The following GMDS variants were observed in gnomAD, a reference collection of about 807,000 sequenced individuals.
GMDS encodes GDP-mannose 4,6 dehydratase.
In GMDS, 20 loss-of-function variants were observed where a neutral mutation model predicts 49.9. That is an observed-to-expected ratio of 0.40 (90% CI 0.28 to 0.58). The LOEUF is 0.58. Among genes scored for constraint, GMDS ranks in the 20% least tolerant of loss-of-function variants. GMDS has a pLI of 0.42. For synonymous variants in GMDS, 177 were observed against 178.6 expected (o/e 0.99, Z 0.07); for missense variants, 362 against 481.4 (o/e 0.75, Z 2.32).
intron 9 of GMDS, among the ~76,000 whole-genome samples, chr6:1,653,033 G>A (rs1040348708): frequency 4.0e-5 from 6 of 151,418 alleles, no homozygotes; most frequent in South Asian, 2.1e-4. Context: ...CCTGGCCCGC[G>A]TGGCTCCTGT....
At chr6:1,952,772 G>C (rs1245038458) in intron 6 of GMDS, among the ~76,000 whole-genome samples, 1 of 152,096 alleles carries the variant, frequency 6.6e-6, no homozygotes, top group Non-Finnish European at 1.5e-5. Context: ...CAGGGAGAGA[G>C]AATGCTTTAC....
At chr6:1,868,397 G>A (rs1758547043) in intron 7 of GMDS, among the ~76,000 whole-genome samples, 1 of 152,270 alleles carries the variant, frequency 6.6e-6, no homozygotes, top group South Asian at 2.1e-4. Flanking sequence ...AAGTAAATAT[G>A]GAGTAAATAC....
At chr6:1,667,941 A>T (rs1764286951) in intron 9 of GMDS, among the ~76,000 whole-genome samples, 1 of 152,224 alleles carries the variant, frequency 6.6e-6, no homozygotes, top group Non-Finnish European at 1.5e-5. Context: ...AACATTTCAG[A>T]TAATAAGATC....
chr6:2,234,256 A>G (rs1781248191), intron 1 of GMDS, among the ~76,000 whole-genome samples: 1 of 152,200 alleles, frequency 6.6e-6, no homozygotes, highest in Admixed American at 6.5e-5. Context: ...TTCACCAAGA[A>G]CAAGCATTCC....
At chr6:2,192,770 G>A (rs773488052) in intron 1 of GMDS, among the ~76,000 whole-genome samples, 13 of 152,250 alleles carry the variant, frequency 8.5e-5, no homozygotes, top group African/African-American at 1.9e-4. Context: ...ACTCACACAC[G>A]TCTTGCCAGT....
intron 7 of GMDS, among the ~76,000 whole-genome samples, chr6:1,903,264 A>G (rs1760593076): frequency 6.6e-6 from 1 of 152,236 alleles, no homozygotes; most frequent in Admixed American, 6.5e-5. Context: ...TGATCACGAT[A>G]TAGGGTTTTG....
intron 1 of GMDS, among the ~76,000 whole-genome samples, chr6:2,194,308 A>T (rs1453794607): frequency 2.0e-5 from 3 of 152,232 alleles, no homozygotes; most frequent in Non-Finnish European, 4.4e-5. Flanking sequence ...AAGCAGAGAG[A>T]AATGGCATTA....
rs1047674420 is a variant in GMDS at position 1,908,476 on chromosome 6, T to C, written c.771+21627A>G. ...AGACCAATTTTGTTCTGAAAGTCTC[T>C]TGGCAAAAGATATTTTCTTGAATCA... is the stretch of plus-strand genomic sequence containing the variant. On this transcript the variant is annotated intron_variant, in intron 7 of 10. Coordinates refer to ENST00000380815, the MANE Select transcript of GMDS (RefSeq NM_001500.4). 3.3e-5 allele frequency among the ~76,000 whole-genome samples: 5 copies of C among 152,226 alleles called. No homozygotes were observed. The East Asian group carries it at 7.7e-4, about 23-fold the overall frequency.
chr6:2,058,993 C>G (rs142602027), intron 4 of GMDS, among the ~76,000 whole-genome samples: 3 of 151,880 alleles, frequency 2.0e-5, no homozygotes, highest in Middle Eastern at 3.4e-3. Flanking sequence ...CTGGCCAACA[C>G]GGTGAAACCC....
In GMDS at chr6:2,242,084, G is replaced by A. The variant is rs3800192; in HGVS notation, c.102+3237C>T. On this transcript the variant is annotated intron_variant, in intron 1 of 10. Transcript: ENST00000380815. The stretch of plus-strand genomic sequence containing the variant: ...TATGAAATTACTTATACAATCAACA[G>A]GGACTGCATACATGTAAATACAGAG... Among the ~76,000 whole-genome samples, 5 of 152,290 alleles carry A rather than the reference G, an allele frequency of 3.3e-5. No individual in the cohort carries two copies. The East Asian group carries it at 9.6e-4, about 29-fold the overall frequency.
chr6:2,129,702 C>A (rs1399130697), intron 1 of GMDS, among the ~76,000 whole-genome samples: 2 of 152,210 alleles, frequency 1.3e-5, no homozygotes, highest in Non-Finnish European at 2.9e-5. Context: ...ATTACAATAT[C>A]AAGGTAATCT....
intron 1 of GMDS, among the ~76,000 whole-genome samples, chr6:2,175,441 T>C (rs954835997): frequency 2.0e-5 from 3 of 152,174 alleles, no homozygotes; most frequent in African/African-American, 7.2e-5. Context: ...AGTTACTATG[T>C]AAAAACTGTT....
chr6:1,791,420 G>T (rs1581186317), intron 7 of GMDS, among the ~76,000 whole-genome samples: 1 of 152,128 alleles, frequency 6.6e-6, no homozygotes, highest in Non-Finnish European at 1.5e-5. Flanking sequence ...TCTCAACCGT[G>T]GTGGGCTGGG....
intron 4 of GMDS, among the ~76,000 whole-genome samples, chr6:1,970,537 G>C (rs1052690482): frequency 6.6e-6 from 1 of 152,220 alleles, no homozygotes; most frequent in African/African-American, 2.4e-5. Context: ...CAGGCCGCAG[G>C]CTGTGATTCC....
At chr6:1,953,570 T>C (rs1763471411) in intron 6 of GMDS, among the ~76,000 whole-genome samples, 1 of 152,222 alleles carries the variant, frequency 6.6e-6, no homozygotes, top group Non-Finnish European at 1.5e-5. Context: ...CATGCCAAAG[T>C]ACTCTGCCAA....
intron 7 of GMDS, among the ~76,000 whole-genome samples, chr6:1,841,190 A>T (rs1757139244): frequency 6.6e-6 from 1 of 152,208 alleles, no homozygotes; most frequent in African/African-American, 2.4e-5. Context: ...ACCTTTAAGG[A>T]GTGCTAAAGT....
intron 1 of GMDS, among the ~76,000 whole-genome samples, chr6:2,130,951 A>G (rs1487220182): frequency 1.3e-5 from 2 of 152,018 alleles, no homozygotes; most frequent in Admixed American, 1.3e-4. Context: ...AGGGAATTAT[A>G]TATACACTTT....
intron 7 of GMDS, among the ~76,000 whole-genome samples, chr6:1,770,198 T>C (rs1271232178): frequency 6.6e-6 from 1 of 152,240 alleles, no homozygotes; most frequent in African/African-American, 2.4e-5. Flanking sequence ...CCCTGAGAAC[T>C]GCACACATGT....
intron 1 of GMDS, among the ~76,000 whole-genome samples, chr6:2,177,473 C>T (rs563810455): frequency 6.6e-6 from 1 of 152,232 alleles, no homozygotes; most frequent in Non-Finnish European, 1.5e-5. Flanking sequence ...AATCTAGCAG[C>T]ACATCAAAAA....
Sources: gnomAD v4.1 joint callset for allele counts (sites outside exome capture counted in the v4.1 genomes callset) on GRCh38, gnomAD v4.1.1 for gene constraint, MANE v1.5 for transcripts, NCBI Gene and HGNC (gene_info 2026-07-23, HGNC 2026-07-21) for gene names.